Variants in SCLT1 observed in about 807,000 individuals in gnomAD.
The protein encoded by SCLT1 is sodium channel-associated protein 1.
A neutral mutation model predicts 112.8 loss-of-function variants in SCLT1; 78 were observed. The ratio of observed to expected loss-of-function variants is 0.69; its 90% confidence interval spans 0.58 to 0.83. The LOEUF (loss-of-function observed/expected upper bound fraction) is 0.83, where lower values mean the gene tolerates loss of function less well. Among genes scored for constraint, SCLT1 ranks in the 40% least tolerant of loss-of-function variants. SCLT1 has a pLI of 0.00. For missense variants in SCLT1, 747 were observed against 770.4 expected (o/e 0.97, Z 0.36); for synonymous variants, 257 against 254.7 (o/e 1.01, Z -0.09).
At chr4:129,032,734 G>A (rs928440468) in intron 5 of SCLT1, among the ~76,000 whole-genome samples, 2 of 151,632 alleles carry the variant, frequency 1.3e-5, no homozygotes, top group Non-Finnish European at 3.0e-5. Flanking sequence ...ATGAAAAAAA[G>A]CTCATGATCA....
chr4:128,919,221 C>T (rs1579375519), intron 18 of SCLT1, among the ~76,000 whole-genome samples: 1 of 151,756 alleles, frequency 6.6e-6, no homozygotes, highest in African/African-American at 2.4e-5. Context: ...ATACTAAACA[C>T]ACTCTTGGAC....
At chr4:128,876,504 T>C (rs1326918788) in intron 4 of SCLT1, 1 of 152,236 alleles carries the variant, frequency 6.6e-6, no homozygotes, top group East Asian at 1.9e-4. Flanking sequence ...AAACAGTTTC[T>C]ACCTTTGAAG....
intron 1 of SCLT1, among the ~76,000 whole-genome samples, chr4:129,087,755 TAAA>T (rs71589026): frequency 3.8e-4 from 40 of 104,450 alleles, no homozygotes; most frequent in Admixed American, 9.4e-4. Context: ...TTGCGCAAGT[TAAA>T]AAAAAAAAAA....
chr4:128,920,061 T>C (rs975501772), intron 18 of SCLT1, among the ~76,000 whole-genome samples: 1 of 152,052 alleles, frequency 6.6e-6, no homozygotes, highest in African/African-American at 2.4e-5. Flanking sequence ...GCCATAATCA[T>C]CCTGATATCA....
intron 8 of SCLT1, among the ~76,000 whole-genome samples, chr4:128,994,868 T>C (rs946232784): frequency 1.3e-5 from 2 of 152,146 alleles, no homozygotes; most frequent in Admixed American, 6.6e-5. Context: ...GGTTTTTTTG[T>C]GTGTCTTTTG....
At chr4:129,027,588 C>A (rs1746240438) in intron 5 of SCLT1, among the ~76,000 whole-genome samples, 2 of 152,098 alleles carry the variant, frequency 1.3e-5, no homozygotes, top group South Asian at 4.1e-4. Flanking sequence ...TGGGCAAAAA[C>A]TGGAAGCATT....
rs372095705 is a variant in SCLT1 at position 128,957,063 on chromosome 4, C to A, written c.1109G>T (p.Arg370Leu). The A allele has an allele frequency of 6.2e-7, 1 of 1,600,478 alleles. No homozygotes were observed. The highest frequency in any genetic ancestry group is 1.7e-5 in the Admixed American group (1 of 59,056). ...TCTTATGGTAGCATCTTGTACAAAC[C>A]GAGAAACTGTCTCTTTCATTTTCTC... Reference protein sequence around the residue: ...DIEKMKETVSRFVQDATIRTK... With the variant: ...DIEKMKETVSLFVQDATIRTK... The change falls in exon 13 of 21, where the codon CGG becomes CTG. Residue 370 changes from arginine (R) to leucine (L), a missense_variant. Coordinates refer to ENST00000281142, the MANE Select transcript of SCLT1 (RefSeq NM_144643.4).
chr4:128,980,665 T>C (rs115608774), intron 9 of SCLT1, among the ~76,000 whole-genome samples: 2,688 of 152,284 alleles, frequency 0.018, 97 homozygotes, highest in African/African-American at 0.062. Context: ...ACTTTGAGAT[T>C]ACTGGTAATA....
intron 11 of SCLT1, among the ~76,000 whole-genome samples, chr4:128,963,218 T>C (rs571863167): frequency 1.2e-4 from 18 of 152,218 alleles, no homozygotes; most frequent in Non-Finnish European, 2.4e-4. Flanking sequence ...GTGATGCCTT[T>C]CAGTCAGACT....
At chr4:128,919,994 C>A (rs1735759082) in intron 18 of SCLT1, among the ~76,000 whole-genome samples, 1 of 152,136 alleles carries the variant, frequency 6.6e-6, no homozygotes, top group Non-Finnish European at 1.5e-5. Context: ...ACCATTCCTA[C>A]TGAGACTACT....
At chr4:129,011,203 TA>T (rs1744491078) in intron 5 of SCLT1, among the ~76,000 whole-genome samples, 1 of 152,236 alleles carries the variant, frequency 6.6e-6, no homozygotes, top group Admixed American at 6.5e-5. Flanking sequence ...TAGTTCTGTT[TA>T]TGTGATGAAT....
At chr4:128,964,781 A>G (rs188415698) in intron 11 of SCLT1, among the ~76,000 whole-genome samples, 10 of 152,188 alleles carry the variant, frequency 6.6e-5, no homozygotes, top group African/African-American at 2.4e-4. Context: ...ACTCTTTAGA[A>G]GAAAGAAAGA....
At chr4:128,927,568 C>T (rs528321072) in intron 18 of SCLT1, among the ~76,000 whole-genome samples, 21 of 151,054 alleles carry the variant, frequency 1.4e-4, no homozygotes, top group Middle Eastern at 6.8e-3. Context: ...GAGTGAGACC[C>T]TGTCTCAGAA....
intron 18 of SCLT1, among the ~76,000 whole-genome samples, chr4:128,929,015 T>G (rs1005682606): frequency 1.3e-5 from 2 of 152,180 alleles, no homozygotes; most frequent in Admixed American, 1.3e-4. Context: ...ATCCCTACTC[T>G]GTGCATTGCA....
At chr4:129,024,305 G>T (rs1745801611) in intron 5 of SCLT1, among the ~76,000 whole-genome samples, 1 of 152,148 alleles carries the variant, frequency 6.6e-6, no homozygotes, top group Admixed American at 6.5e-5. Context: ...CCCCAAGTAG[G>T]GGCAGACTGA....
At chr4:129,033,469 G>A (rs180743474) in intron 5 of SCLT1, among the ~76,000 whole-genome samples, 2 of 120,026 alleles carry the variant, frequency 1.7e-5, no homozygotes, top group Non-Finnish European at 3.2e-5. Flanking sequence ...TAACAAACCT[G>A]CATGTTCTGC....
At chr4:129,076,569 A>G (rs1481094256) in intron 2 of SCLT1, among the ~76,000 whole-genome samples, 1 of 152,162 alleles carries the variant, frequency 6.6e-6, no homozygotes, top group East Asian at 1.9e-4. Context: ...TCCCTTCAGC[A>G]AGTACCAAGA....
At chr4:129,067,432 G>C (rs1750590660) in intron 2 of SCLT1, among the ~76,000 whole-genome samples, 1 of 151,566 alleles carries the variant, frequency 6.6e-6, no homozygotes, top group Non-Finnish European at 1.5e-5. Flanking sequence ...AATAATAAAT[G>C]CATCTAGTAG....
At chr4:128,986,689 G>A (rs1378608380) in intron 9 of SCLT1, among the ~76,000 whole-genome samples, 1 of 152,140 alleles carries the variant, frequency 6.6e-6, no homozygotes, top group Non-Finnish European at 1.5e-5. Flanking sequence ...ACCTGGATGC[G>A]TTTCTAGACT....
Sources: allele counts gnomAD v4.1 joint callset (sites outside exome capture counted in the v4.1 genomes callset), GRCh38; gene constraint gnomAD v4.1.1; transcripts MANE v1.5; gene names NCBI Gene and HGNC (gene_info 2026-07-23, HGNC 2026-07-21).